The following ALOXE3 variants were observed in gnomAD, a reference collection of about 807,000 sequenced individuals.
The protein encoded by ALOXE3 is hydroperoxide isomerase ALOXE3.
A neutral mutation model predicts 87.5 loss-of-function variants in ALOXE3; 78 were observed. The observed-to-expected ratio is 0.89, with a 90% CI of 0.74 to 1.08. The LOEUF is 1.08. ALOXE3 is among the 50% of genes least tolerant of loss of function. The pLI is 0.00. For missense variants in ALOXE3, 946 were observed against 912.4 expected, an observed-to-expected ratio of 1.04 and a Z score of -0.47; for synonymous variants, 363 against 370.8, an observed-to-expected ratio of 0.98 and a Z score of 0.24.
At chr17:8,107,926 AAAGAAAGAAAG>A (rs1979550175) in intron 13 of ALOXE3, among the ~76,000 whole-genome samples, 1 of 6,146 alleles carries the variant, frequency 1.6e-4, no homozygotes, top group East Asian at 7.2e-4. Context: ...AGAAAGAAAG[AAAGAAAGAAAG>A]AAAGAAAGAA....
intron 2 of ALOXE3, 122 bp downstream of exon 2, chr17:8,117,722 G>A (rs1027044410): frequency 9.2e-6 from 14 of 1,527,224 alleles, no homozygotes; most frequent in Non-Finnish European, 1.1e-5. Context: ...AATAGGGAAG[G>A]TGAGGAGGTC....
In ALOXE3 at chr17:8,108,003, GAAAGAAA is replaced by G. The variant is rs1979626160; in HGVS notation, c.1684+458_1684+464del. Among the ~76,000 whole-genome samples, 3 of 38,088 alleles carry G rather than the reference GAAAGAAA, an allele frequency of 7.9e-5. 1 individual carries two copies. Among genetic ancestry groups the G allele is most frequent in the African/African-American group, 2.7e-4 (3 of 11,132 alleles). 25.0% of individuals were successfully genotyped at this position (38,088 alleles called of 152,430 possible). A position where few individuals can be genotyped will look rare whatever the true frequency, so the allele number is the denominator to read the frequency against. ...GAGAGAAAGAAAGAAAGGAAGGAAA[GAAAGAAA>G]GAAAGAAAGAAAGAAAGAAAGAAAG... is the stretch of plus-strand genomic sequence containing the variant. On this transcript the variant is annotated intron_variant, in intron 13 of 15. Transcript: ENST00000448843.
chr17:8,115,989 C>T (rs1216145732), intron 3 of ALOXE3, among the ~76,000 whole-genome samples: 6 of 152,266 alleles, frequency 3.9e-5, no homozygotes, highest in South Asian at 2.1e-4. Flanking sequence ...TCTGTATTCC[C>T]GGCTTCTAGC....
At position 8,104,188 on chromosome 17, in the gene ALOXE3, C is replaced by A. The variant is rs371652082; in HGVS notation, c.1712G>T (p.Gly571Val). The A allele has an allele frequency of 5.1e-5, 83 of 1,613,862 alleles. 1 individual carries two copies. The highest frequency in any genetic ancestry group is 6.7e-5 in the Admixed American group (4 of 59,990). ...TGCAGTGAGGAACTTCACCATCTCT[C>A]CTGGGGTGCACAGCCGGCTTGGGAA... ...SGFPSRLCTPGEMVKFLTAII... is the reference protein window; with the variant it reads ...SGFPSRLCTPVEMVKFLTAII... Residue 571 changes from glycine to valine, a missense_variant, in exon 14 of 16, where the codon GGA becomes GTA. Gly to Val is a moderately radical substitution (Grantham distance 109). Coordinates refer to ENST00000448843, the MANE Select transcript of ALOXE3 (RefSeq NM_021628.3).
chr17:8,103,083 G>A (rs3027283), intron 15 of ALOXE3, among the ~76,000 whole-genome samples: 46 of 152,352 alleles, frequency 3.0e-4, no homozygotes, highest in African/African-American at 1.1e-3. Context: ...TAACACATGA[G>A]TAGTTGATGA....
rs1316028565 is a variant in ALOXE3 at position 8,108,574 on chromosome 17, G to A, written c.1578C>T (p.Ile526=). Residue 526 remains isoleucine, a synonymous_variant, in exon 13 of 16, where the codon ATC becomes ATT. Transcript: ENST00000448843. ...WAAIESFVSE[I]VGYYYPSDAS... ...CGTCACTGGGATAATAGTAGCCCAC[G>A]ATTTCTGAGACAAAGCTGCAGGAAA... 2.5e-6 allele frequency: 4 copies of A among 1,612,100 alleles called. No homozygotes were observed. The highest frequency in any genetic ancestry group is 2.5e-6 in the Non-Finnish European group (3 of 1,178,678).
At chr17:8,107,570 C>T (rs953436545) in intron 13 of ALOXE3, among the ~76,000 whole-genome samples, 3 of 151,680 alleles carry the variant, frequency 2.0e-5, no homozygotes, top group Admixed American at 6.6e-5. Flanking sequence ...GAGGCTGAGG[C>T]GGGCGGATCA....
chr17:8,107,946 A>G lies in ALOXE3; in HGVS notation c.1684+522T>C, dbSNP rs1238708933. Among the ~76,000 whole-genome samples, 28 of 4,642 alleles carry G rather than the reference A, an allele frequency of 6.0e-3. 5 individuals carry two copies. The highest frequency in any genetic ancestry group is 0.012 in the Non-Finnish European group (19 of 1,628). 3.0% of individuals were successfully genotyped at this position (4,642 alleles called of 152,430 possible). A position where few individuals can be genotyped will look rare whatever the true frequency, so the allele number is the denominator to read the frequency against. On this transcript the variant is annotated intron_variant, in intron 13 of 15. Coordinates refer to ENST00000448843, the MANE Select transcript of ALOXE3 (RefSeq NM_021628.3). ...GAAAGAAAGAAAGAAAGAAAGAAAG[A>G]AAGAAAGAAAGAAAGGAAGGAGAGA...
Position 8,111,381 on chromosome 17 carries a change from G to A in ALOXE3, c.935C>T (p.Thr312Ile). Residue 312 changes from threonine to isoleucine, a missense_variant, in exon 8 of 16, where the codon ACA (threonine) becomes ATA (isoleucine). By Grantham distance (89) the Thr-to-Ile change is moderately conservative (BLOSUM62 -1). Coordinates refer to ENST00000448843, the MANE Select transcript of ALOXE3 (RefSeq NM_021628.3). ...DMVAPLLGQD[T>I]CLQTELERGN... ...CACCTCTAGCTCTGTCTGCAGGCAT[G>A]TGTCCTGTCCCAGCAAGGGGGCCAC... is the stretch of plus-strand genomic sequence containing the variant. 6.2e-7 allele frequency: 1 copy of A among 1,613,546 alleles called. No homozygotes were observed. The highest frequency in any genetic ancestry group is 8.5e-7 in the Non-Finnish European group (1 of 1,180,040).
At position 8,108,059 on chromosome 17, in the gene ALOXE3, G is replaced by GAAA. The variant is rs1380172807; in HGVS notation, c.1684+406_1684+408dup. On this transcript the variant is annotated intron_variant, in intron 13 of 15. Coordinates refer to ENST00000448843, the MANE Select transcript of ALOXE3 (RefSeq NM_021628.3). ...AGAAAGAAAGAAAGAAAGAAAGAAA[G>GAAA]AAAGAAAGGAAGAGAGGTTGGTGGC... Among the ~76,000 whole-genome samples the GAAA allele has an allele frequency of 2.5e-4, 37 of 149,980 alleles. 1 individual carries two copies. Among genetic ancestry groups the GAAA allele is most frequent in the Non-Finnish European group, 5.5e-4 (37 of 67,356 alleles).
chr17:8,115,851 GAT>G (rs1416795738), intron 3 of ALOXE3, among the ~76,000 whole-genome samples, 163 bp from the exon 4 acceptor site: 1 of 152,226 alleles, frequency 6.6e-6, no homozygotes, highest in African/African-American at 2.4e-5. Context: ...CAGTAGAAGG[GAT>G]TCAAGACAGC....
chr17:8,114,815 T>C (rs188337288), intron 5 of ALOXE3, 123 bp downstream of exon 5: 2 of 1,509,810 alleles, frequency 1.3e-6, no homozygotes, highest in Non-Finnish European at 1.8e-6. Context: ...CCCATCCTGA[T>C]GCTTGAATGA....
At chr17:8,105,383 C>T (rs1311389204) in intron 13 of ALOXE3, among the ~76,000 whole-genome samples, 2 of 152,168 alleles carry the variant, frequency 1.3e-5, no homozygotes, top group Non-Finnish European at 2.9e-5. Flanking sequence ...TCCTGAGAGG[C>T]CTGCCCTGGC....
At chr17:8,108,812 G>T (rs1310288204) in intron 12 of ALOXE3, among the ~76,000 whole-genome samples, 1 of 152,100 alleles carries the variant, frequency 6.6e-6, no homozygotes, top group Non-Finnish European at 1.5e-5. Context: ...GGGGCCTGGG[G>T]GGTGGGCAGG....
At chr17:8,097,810 C>T (rs1473456191) in intron 15 of ALOXE3, among the ~76,000 whole-genome samples, 2 of 149,482 alleles carry the variant, frequency 1.3e-5, no homozygotes, top group Non-Finnish European at 3.0e-5. Context: ...TGCAGTGGCG[C>T]GATCTCGGCT....
intron 11 of ALOXE3, 147 bp from the exon 12 acceptor site, chr17:8,109,490 C>CT: frequency 9.5e-7 from 1 of 1,050,174 alleles, no homozygotes; most frequent in Non-Finnish European, 1.4e-6. Flanking sequence ...GAGGGCCTGC[C>CT]TGACGCAGGC....
chr17:8,118,109 GC>G lies in ALOXE3; in HGVS notation c.-120del. The G allele has an allele frequency of 6.4e-7, 1 of 1,552,336 alleles. No individual in the cohort carries two copies. Among genetic ancestry groups the G allele is most frequent in the Non-Finnish European group, 8.7e-7 (1 of 1,148,156 alleles). On this transcript the variant is annotated 5_prime_UTR_variant, in exon 2 of 16. Coordinates refer to ENST00000448843, the MANE Select transcript of ALOXE3 (RefSeq NM_021628.3). ...TGGGCGGAGGGCTAGGGGCTGCGGG[GC>G]TGGGTAGGGCTGAGGATGGGCCCAG...
intron 13 of ALOXE3, among the ~76,000 whole-genome samples, chr17:8,104,691 T>G (rs574061629): frequency 6.6e-6 from 1 of 152,296 alleles, no homozygotes; most frequent in South Asian, 2.1e-4. Flanking sequence ...GACCAGAGCT[T>G]GGCTCTTTGA....
chr17:8,111,293 C>T, intron 8 of ALOXE3, 66 bp downstream of exon 8: 1 of 1,592,310 alleles, frequency 6.3e-7, no homozygotes, highest in Non-Finnish European at 8.6e-7. Flanking sequence ...CACACACATC[C>T]CTTGTCCATA....
Sources: gnomAD v4.1 joint callset for allele counts (sites outside exome capture counted in the v4.1 genomes callset) on GRCh38, gnomAD v4.1.1 for gene constraint, MANE v1.5 for transcripts, NCBI Gene and HGNC (gene_info 2026-07-23, HGNC 2026-07-21) for gene names.